Variants in TSPAN2 observed in about 807,000 individuals in gnomAD.
TSPAN2 encodes tetraspanin-2.
TSPAN2 carries 24 observed loss-of-function variants against 33.3 expected under a neutral mutation model. The observed-to-expected ratio is 0.72, with a 90% CI of 0.52 to 1.01. TSPAN2 has a LOEUF of 1.01. TSPAN2 is among the 50% of genes least tolerant of loss of function. The probability of loss-of-function intolerance (pLI) is 0.00; values close to 1 mark genes in which losing one functional copy is unlikely to be tolerated. For synonymous variants in TSPAN2, 114 were observed against 104.5 expected (o/e 1.09, Z -0.56); for missense variants, 278 against 281.3 (o/e 0.99, Z 0.08).
intron 4 of TSPAN2, among the ~76,000 whole-genome samples, chr1:115,060,165 C>G (rs937154315): frequency 5.9e-5 from 9 of 152,120 alleles, no homozygotes; most frequent in African/African-American, 2.2e-4. Context: ...CTAACTGTTA[C>G]CCCATTTCAC....
In TSPAN2 at chr1:115,059,114, T is replaced by C. The variant is rs12067476; in HGVS notation, c.346-133A>G. The C allele has an allele frequency of 2.8e-3, 2,008 of 724,948 alleles. 34 individuals carry two copies. In the African/African-American group the frequency reaches 0.032, roughly 11 times the overall value. The allele number at this position is 724,948 out of a possible 1,614,324, so 44.9% of individuals were successfully genotyped here. A position where few individuals can be genotyped will look rare whatever the true frequency, so the allele number is the denominator to read the frequency against. Reference sequence around the variant, plus strand: ...TCTCATAAGAATGATACAATGGACTTTGGGGACTCAGGGGAAAGGGTAGGA... The same window carrying C: ...TCTCATAAGAATGATACAATGGACTCTGGGGACTCAGGGGAAAGGGTAGGA... On this transcript the variant is annotated intron_variant, in intron 4 of 7. Coordinates refer to ENST00000369516, the MANE Select transcript of TSPAN2 (RefSeq NM_005725.6).
chr1:115,059,394 C>A (rs1402132809), intron 4 of TSPAN2, among the ~76,000 whole-genome samples: 1 of 152,194 alleles, frequency 6.6e-6, no homozygotes, highest in Non-Finnish European at 1.5e-5. Flanking sequence ...GACAGACTAA[C>A]CAGAACAGTT....
chr1:115,078,026 C>G (rs1570982609), intron 1 of TSPAN2, among the ~76,000 whole-genome samples: 1 of 152,242 alleles, frequency 6.6e-6, no homozygotes, highest in African/African-American at 2.4e-5. Flanking sequence ...TTCTAGACAG[C>G]ATGTGCACTG....
intron 2 of TSPAN2, among the ~76,000 whole-genome samples, chr1:115,067,858 T>G (rs1184226393): frequency 6.6e-6 from 1 of 152,120 alleles, no homozygotes. Context: ...AGGGGCTCGC[T>G]CCCTACTCTG....
At chr1:115,063,853 A>T (rs1241142641) in intron 2 of TSPAN2, among the ~76,000 whole-genome samples, 2 of 152,178 alleles carry the variant, frequency 1.3e-5, no homozygotes, top group African/African-American at 4.8e-5. Context: ...GGAGCTAAAT[A>T]TTGGGTACAC....
rs1470979966 is a variant in TSPAN2, at chr1:115,089,425, C to G, written c.8G>C (p.Arg3Pro). 7 of 1,574,904 alleles carry G rather than the reference C, an allele frequency of 4.4e-6. No homozygotes were observed. The East Asian group carries it at 1.7e-4, about 38-fold the overall frequency. ...GATGCACCGCAGGCCCCCGCGGAAG[C>G]GCCCCATGCTGCGGCCCGGCGGCGG... is the stretch of plus-strand genomic sequence containing the variant. MG[R>P]FRGGLRCIKY... The change falls in exon 1 of 8, where the codon CGC (arginine) becomes CCC (proline). Residue 3 changes from arginine to proline, a missense_variant. Physicochemically the swap from Arg to Pro is moderately radical, Grantham distance 103 (BLOSUM62 -2). Transcript: ENST00000369516.
Position 115,057,545 on chromosome 1 carries a change from CT to C in TSPAN2, c.507del (p.Gly170AspfsTer12). On this transcript the variant is annotated frameshift_variant, in exon 6 of 8. Transcript: ENST00000369516. LOFTEE classifies it high-confidence loss of function. Reference sequence around the variant, plus strand: ...CCTTGGTAGAAGCTTACCTTGTGTCCTAGAAGCTCCTTTGGGCATGTAGGTT... The same window carrying C: ...CCTTGGTAGAAGCTTACCTTGTGTCCAGAAGCTCCTTTGGGCATGTAGGTT... ...QVQPTCPKEL[L>X]GHKNCIDEIE... 1 of 1,614,094 alleles carries C rather than the reference CT, an allele frequency of 6.2e-7. No individual in the cohort carries two copies.
At chr1:115,080,815 T>C (rs749482375) in intron 1 of TSPAN2, among the ~76,000 whole-genome samples, 21 of 152,196 alleles carry the variant, frequency 1.4e-4, no homozygotes, top group Non-Finnish European at 2.4e-4. Flanking sequence ...CCTTGGAACA[T>C]CCAGCTGGCT....
At chr1:115,062,291 C>A in intron 2 of TSPAN2, 59 bp from the exon 3 acceptor site, 3 of 1,365,748 alleles carry the variant, frequency 2.2e-6, no homozygotes, top group Non-Finnish European at 3.1e-6. Flanking sequence ...CCACGACCAA[C>A]TAGGCTTAAG....
chr1:115,052,033 G>A (rs529809816), intron 7 of TSPAN2, among the ~76,000 whole-genome samples: 16 of 152,272 alleles, frequency 1.1e-4, no homozygotes, highest in Non-Finnish European at 2.1e-4. Context: ...ACGAGTCAGG[G>A]GTGAATGCTT....
chr1:115,058,752 G>A (rs1014887667), intron 5 of TSPAN2, 131 bp downstream of exon 5: 13 of 786,896 alleles, frequency 1.7e-5, no homozygotes, highest in Non-Finnish European at 2.9e-5. Context: ...GCCCTCAAAA[G>A]GGCTAAAATA....
chr1:115,060,355 G>C (rs1206787923), intron 4 of TSPAN2, 109 bp downstream of exon 4: 1 of 906,686 alleles, frequency 1.1e-6, no homozygotes, highest in East Asian at 2.6e-5. Context: ...AAAAAGTTCT[G>C]TTTAAACTAT....
chr1:115,058,676 T>A (rs1406145994), intron 5 of TSPAN2, among the ~76,000 whole-genome samples: 1 of 152,220 alleles, frequency 6.6e-6, no homozygotes, highest in Non-Finnish European at 1.5e-5. Context: ...CTCTTCTGTC[T>A]CTCTTGTGAA....
intron 2 of TSPAN2, among the ~76,000 whole-genome samples, chr1:115,067,487 A>C (rs1647995548): frequency 6.6e-6 from 1 of 152,236 alleles, no homozygotes; most frequent in South Asian, 2.1e-4. Flanking sequence ...AAATTGTCTC[A>C]ACAATGTAAG....
At chr1:115,069,909 G>C (rs1223678403) in intron 2 of TSPAN2, among the ~76,000 whole-genome samples, 1 of 152,200 alleles carries the variant, frequency 6.6e-6, no homozygotes, top group African/African-American at 2.4e-5. Context: ...TGCCACGATA[G>C]TGGTTAAATA....
At chr1:115,059,788 C>T (rs957338302) in intron 4 of TSPAN2, among the ~76,000 whole-genome samples, 4 of 152,148 alleles carry the variant, frequency 2.6e-5, no homozygotes, top group African/African-American at 9.7e-5. Context: ...AAGGAGGTGA[C>T]ATTTACTATT....
At position 115,050,351 on chromosome 1, in the gene TSPAN2, C is replaced by T. The variant is rs17033067; in HGVS notation, c.*139G>A. 4.8e-3 allele frequency: 3,693 copies of T among 775,108 alleles called. 92 individuals carry two copies. In the African/African-American group the frequency reaches 0.055, roughly 11 times the overall value. 48.0% of individuals were successfully genotyped at this position (775,108 alleles called of 1,614,324 possible). On this transcript the variant is annotated 3_prime_UTR_variant, in exon 8 of 8. Transcript: ENST00000369516. ...GTAAACCAGTAATGAGCCAAACATA[C>T]GTACTCATGCAAATGTACAATTGAC...
intron 1 of TSPAN2, among the ~76,000 whole-genome samples, chr1:115,085,356 C>T (rs1452959142): frequency 2.0e-5 from 3 of 152,150 alleles, no homozygotes; most frequent in Non-Finnish European, 2.9e-5. Context: ...CTGGCAGGGC[C>T]TGGTTGTATG....
chr1:115,078,383 G>A (rs192819038), intron 1 of TSPAN2, among the ~76,000 whole-genome samples: 2 of 152,260 alleles, frequency 1.3e-5, no homozygotes, highest in East Asian at 3.9e-4. Flanking sequence ...CTAAATGAGT[G>A]AATGGAGGAC....
Sources: allele counts gnomAD v4.1 joint callset (sites outside exome capture counted in the v4.1 genomes callset), GRCh38; gene constraint gnomAD v4.1.1; transcripts MANE v1.5; gene names NCBI Gene and HGNC (gene_info 2026-07-23, HGNC 2026-07-21).